The following SHISA6 variants were observed in gnomAD, a reference collection of about 807,000 sequenced individuals.
SHISA6 encodes shisa family member 6.
In SHISA6, 22 loss-of-function variants were observed where a neutral mutation model predicts 47.9. That is an observed-to-expected ratio of 0.46 (90% CI 0.33 to 0.66). The LOEUF is 0.66. Among genes scored for constraint, SHISA6 ranks in the 30% least tolerant of loss-of-function variants. SHISA6 has a pLI of 0.02. For missense variants in SHISA6, 680 were observed against 764.6 expected (o/e 0.89, Z 1.30); for synonymous variants, 388 against 337.8 (o/e 1.15, Z -1.63).
intron 3 of SHISA6, among the ~76,000 whole-genome samples, chr17:11,423,215 ATGTGTGTGTG>A (rs140387181): frequency 2.2e-5 from 3 of 135,702 alleles, no homozygotes; most frequent in Non-Finnish European, 4.6e-5. Flanking sequence ...ACATATATGT[ATGTGTGTGTG>A]TGTGTGTGTG....
At chr17:11,299,519 G>A (rs539486401) in intron 2 of SHISA6, among the ~76,000 whole-genome samples, 4 of 151,924 alleles carry the variant, frequency 2.6e-5, no homozygotes, top group Non-Finnish European at 5.9e-5. Flanking sequence ...TACATTTCTG[G>A]GCCAGAAGTC....
intron 2 of SHISA6, among the ~76,000 whole-genome samples, chr17:11,349,841 C>T (rs906684997): frequency 6.6e-6 from 1 of 152,104 alleles, no homozygotes; most frequent in African/African-American, 2.4e-5. Context: ...AAATGAATCA[C>T]GTGGAGAGTC....
Position 11,277,280 on chromosome 17 carries a change from T to TCACACACACACA in SHISA6, c.799+13782_799+13793dup, listed in dbSNP as rs113287260. On this transcript the variant is annotated intron_variant, in intron 2 of 5. Transcript: ENST00000441885. ...CTCTCTCTCTCTCTCTCTCTCTCTC[T>TCACACACACACA]CACACACACACACACACACACACAC... Among the ~76,000 whole-genome samples, 57 of 53,910 alleles carry TCACACACACACA rather than the reference T, an allele frequency of 1.1e-3. 1 individual carries two copies. Among genetic ancestry groups the TCACACACACACA allele is most frequent in the Admixed American group, 2.5e-3 (9 of 3,596 alleles). The allele number at this position is 53,910 out of a possible 152,430, so 35.4% of individuals were successfully genotyped here. A position where few individuals can be genotyped will look rare whatever the true frequency, so the allele number is the denominator to read the frequency against.
Position 11,282,877 on chromosome 17 carries a change from C to T in SHISA6, c.799+19351C>T, listed in dbSNP as rs1380098717. Among the ~76,000 whole-genome samples the T allele has an allele frequency of 2.6e-5, 4 of 152,314 alleles. No homozygotes were observed. The East Asian group carries it at 7.7e-4, about 29-fold the overall frequency. ...CTGCAAACTGGGATTTAGATGGAAT[C>T]ATTCACTCCAATTTTCCCCAAAACC... On this transcript the variant is annotated intron_variant, in intron 2 of 5. Coordinates refer to ENST00000441885, the MANE Select transcript of SHISA6 (RefSeq NM_207386.4).
At chr17:11,357,805 T>C (rs1419783270) in intron 2 of SHISA6, among the ~76,000 whole-genome samples, 3 of 152,192 alleles carry the variant, frequency 2.0e-5, no homozygotes, top group Admixed American at 6.5e-5. Flanking sequence ...CTTGGATAGA[T>C]TGCTACAAGT....
intron 3 of SHISA6, among the ~76,000 whole-genome samples, chr17:11,459,451 G>T (rs192845002): frequency 6.6e-6 from 1 of 152,118 alleles, no homozygotes; most frequent in Admixed American, 6.5e-5. Context: ...GTATGAGGCA[G>T]GTGTACAGGG....
At chr17:11,434,107 AG>A (rs1914869070) in intron 3 of SHISA6, among the ~76,000 whole-genome samples, 1 of 141,060 alleles carries the variant, frequency 7.1e-6, no homozygotes, top group South Asian at 2.2e-4. Flanking sequence ...TCTGTCACCC[AG>A]GCCAGAGTGC....
At chr17:11,348,168 G>C (rs929522507) in intron 2 of SHISA6, among the ~76,000 whole-genome samples, 9 of 152,114 alleles carry the variant, frequency 5.9e-5, no homozygotes, top group Admixed American at 4.6e-4. Flanking sequence ...CATTTAATTG[G>C]GCCCCATTGC....
At chr17:11,449,946 G>A (rs989353289) in intron 3 of SHISA6, among the ~76,000 whole-genome samples, 29 of 152,282 alleles carry the variant, frequency 1.9e-4, no homozygotes, top group Admixed American at 3.9e-4. Context: ...GTGCAGTGGC[G>A]CGATCTCAGC....
chr17:11,435,571 T>TA (rs1385374462), intron 3 of SHISA6, among the ~76,000 whole-genome samples: 20 of 152,286 alleles, frequency 1.3e-4, no homozygotes, highest in Admixed American at 6.5e-4. Context: ...TCATCTTTGT[T>TA]AAAAAACACA....
intron 2 of SHISA6, among the ~76,000 whole-genome samples, chr17:11,371,489 C>A (rs1307907584): frequency 6.6e-6 from 1 of 152,116 alleles, no homozygotes; most frequent in Non-Finnish European, 1.5e-5. Context: ...ATGCAAAGAG[C>A]AACTCCCATT....
At chr17:11,377,421 T>G (rs1332621691) in intron 2 of SHISA6, among the ~76,000 whole-genome samples, 1 of 152,202 alleles carries the variant, frequency 6.6e-6, no homozygotes, top group African/African-American at 2.4e-5. Context: ...CTGTTCCTGA[T>G]GCACGAAGGC....
intron 2 of SHISA6, among the ~76,000 whole-genome samples, chr17:11,373,259 T>TC (rs1456682068): frequency 1.3e-5 from 2 of 152,044 alleles, no homozygotes; most frequent in Non-Finnish European, 2.9e-5. Context: ...AACTGGACAC[T>TC]CTTTGTGGCC....
At chr17:11,346,789 A>T (rs1293892107) in intron 2 of SHISA6, among the ~76,000 whole-genome samples, 1 of 152,218 alleles carries the variant, frequency 6.6e-6, no homozygotes. Context: ...CTGAGACTCA[A>T]TGATATACTC....
intron 2 of SHISA6, among the ~76,000 whole-genome samples, chr17:11,292,435 A>G (rs1909586352): frequency 6.6e-6 from 1 of 152,138 alleles, no homozygotes; most frequent in Non-Finnish European, 1.5e-5. Flanking sequence ...CTGCACATGT[A>G]TCCCAGAATA....
chr17:11,444,321 A>G (rs1249289684), intron 3 of SHISA6, among the ~76,000 whole-genome samples: 1 of 152,204 alleles, frequency 6.6e-6, no homozygotes, highest in Non-Finnish European at 1.5e-5. Flanking sequence ...TCCATAAAAA[A>G]TAAAAGTAAA....
Position 11,392,739 on chromosome 17 carries a change from T to C in SHISA6, c.895+13230T>C, listed in dbSNP as rs910708455. 5.9e-5 allele frequency among the ~76,000 whole-genome samples: 9 copies of C among 152,356 alleles called. No individual in the cohort carries two copies. The East Asian group carries it at 9.7e-4, about 16-fold the overall frequency. ...GACTAAGACATGAGCTATGCCCAGA[T>C]TGGGGTGTAGCAGATTAGAGAGAAG... On this transcript the variant is annotated intron_variant, in intron 3 of 5. Coordinates refer to ENST00000441885, the MANE Select transcript of SHISA6 (RefSeq NM_207386.4).
At position 11,409,318 on chromosome 17, in the gene SHISA6, T is replaced by C. The variant is rs77531835; in HGVS notation, c.895+29809T>C. On this transcript the variant is annotated intron_variant, in intron 3 of 5. Transcript: ENST00000441885. ...CACTTTCCCCCCCAAAATTGGGGTA[T>C]GGACTCACATGCAAGATTAACAATA... Among the ~76,000 whole-genome samples the C allele has an allele frequency of 6.5e-3, 985 of 152,306 alleles. 10 individuals carry two copies. The highest frequency in any genetic ancestry group is 0.023 in the African/African-American group (950 of 41,570).
chr17:11,378,826 C>T (rs939798530), intron 2 of SHISA6, among the ~76,000 whole-genome samples: 21 of 152,108 alleles, frequency 1.4e-4, no homozygotes, highest in African/African-American at 4.6e-4. Context: ...CAGCTGCTGT[C>T]GGATTTCTCT....
Sources: allele counts gnomAD v4.1 joint callset (sites outside exome capture counted in the v4.1 genomes callset), GRCh38; gene constraint gnomAD v4.1.1; transcripts MANE v1.5; gene names NCBI Gene and HGNC (gene_info 2026-07-23, HGNC 2026-07-21).